IL1RAPL1: variants seen among roughly 807,000 people sequenced by gnomAD.
The protein encoded by IL1RAPL1 is interleukin 1 receptor accessory protein like 1.
Under a neutral mutation model 48.4 loss-of-function variants are expected in IL1RAPL1, and 3 were observed. That is an observed-to-expected ratio of 0.06 (90% CI 0.03 to 0.16). IL1RAPL1 has a LOEUF of 0.16. Among genes scored for constraint, IL1RAPL1 ranks in the 10% least tolerant of loss-of-function variants. IL1RAPL1 has a pLI of 1.00. For missense variants in IL1RAPL1, 349 were observed against 530.6 expected, an observed-to-expected ratio of 0.66 and a Z score of 3.36; for synonymous variants, 185 against 187.7, an observed-to-expected ratio of 0.99 and a Z score of 0.12.
intron 5 of IL1RAPL1, among the ~76,000 whole-genome samples, chrX:29,495,229 G>A (rs1935201016): frequency 8.9e-6 from 1 of 111,770 alleles, no homozygotes; most frequent in Non-Finnish European, 1.9e-5. Context: ...AATTCGGTTT[G>A]AAAATACAAC....
intron 2 of IL1RAPL1, among the ~76,000 whole-genome samples, chrX:29,223,652 TTCCTGCCTTAGCC>T (rs1470223072): frequency 9.2e-6 from 1 of 109,032 alleles, no homozygotes; most frequent in Non-Finnish European, 1.9e-5. Context: ...TCAAGAGATT[TTCCTGCCTTAGCC>T]TCCTGAGTAG....
intron 2 of IL1RAPL1, among the ~76,000 whole-genome samples, chrX:29,025,897 A>C (rs1159747951): frequency 9.0e-6 from 1 of 111,518 alleles, no homozygotes; most frequent in African/African-American, 3.3e-5. Flanking sequence ...CATCCCTGAG[A>C]GAGGATCATG....
At chrX:29,935,334 T>C (rs1171710407) in intron 8 of IL1RAPL1, among the ~76,000 whole-genome samples, 1 of 111,501 alleles carries the variant, frequency 9.0e-6, no homozygotes, top group Non-Finnish European at 1.9e-5. Flanking sequence ...CTATTGATAA[T>C]TTTTGCCTGA....
intron 1 of IL1RAPL1, among the ~76,000 whole-genome samples, chrX:28,660,088 T>TGTGC (rs1335891317): frequency 4.6e-5 from 1 of 21,557 alleles, no homozygotes; most frequent in Non-Finnish European, 9.7e-5. Flanking sequence ...GTGAGGATGG[T>TGTGC]GTGTGTGTGT....
chrX:28,919,975 G>A (rs1036376429), intron 2 of IL1RAPL1, among the ~76,000 whole-genome samples: 1 of 111,733 alleles, frequency 8.9e-6, no homozygotes, highest in Non-Finnish European at 1.9e-5. Context: ...CGGACTGGCA[G>A]GCAATAAATT....
At chrX:29,283,948 C>T (rs1297452787) in intron 3 of IL1RAPL1, among the ~76,000 whole-genome samples, 1 of 112,608 alleles carries the variant, frequency 8.9e-6, no homozygotes, top group Non-Finnish European at 1.9e-5. Context: ...AGCATTTAGC[C>T]CCTCATAGAT....
Position 29,661,167 on chromosome X carries a change from T to G in IL1RAPL1, c.704-7263T>G, listed in dbSNP as rs1925836021. Among the ~76,000 whole-genome samples the G allele has an allele frequency of 3.6e-5, 4 of 112,647 alleles. No individual in the cohort carries two copies. The South Asian group carries it at 1.4e-3, about 41-fold the overall frequency. On this transcript the variant is annotated intron_variant, in intron 5 of 10. Coordinates refer to ENST00000378993, the MANE Select transcript of IL1RAPL1 (RefSeq NM_014271.4). ...AATGCTACTAATTTTTGTATGTTGA[T>G]TATTATCCTGCAACTTCACTGAATT...
intron 7 of IL1RAPL1, among the ~76,000 whole-genome samples, 181 bp from the exon 8 acceptor site, chrX:29,919,768 C>G (rs1932831088): frequency 8.9e-6 from 1 of 112,237 alleles, no homozygotes; most frequent in East Asian, 2.8e-4. Flanking sequence ...AGACAAGCTT[C>G]CTCATTACAA....
chrX:29,101,049 AT>A (rs1218921761), intron 2 of IL1RAPL1, among the ~76,000 whole-genome samples: 1 of 112,035 alleles, frequency 8.9e-6, no homozygotes, highest in Non-Finnish European at 1.9e-5. Context: ...ATTTTATCAT[AT>A]AAAAAGAAAT....
chrX:28,702,515 A>C (rs1205949211), intron 1 of IL1RAPL1, among the ~76,000 whole-genome samples: 1 of 112,014 alleles, frequency 8.9e-6, no homozygotes, highest in Non-Finnish European at 1.9e-5. Flanking sequence ...ACTCCAATAC[A>C]TCAAGAAACC....
intron 6 of IL1RAPL1, among the ~76,000 whole-genome samples, chrX:29,906,311 G>A (rs1182949138): frequency 1.0e-5 from 1 of 98,165 alleles, no homozygotes; most frequent in African/African-American, 3.9e-5. Context: ...CTCCAGCCTG[G>A]GTGATAGAGC....
intron 2 of IL1RAPL1, among the ~76,000 whole-genome samples, chrX:29,026,028 G>C (rs1231937067): frequency 9.0e-6 from 1 of 111,545 alleles, no homozygotes; most frequent in Non-Finnish European, 1.9e-5. Context: ...ACCATACTAG[G>C]AAGTCCCTGG....
chrX:29,047,314 T>A (rs1342109660), intron 2 of IL1RAPL1, among the ~76,000 whole-genome samples: 1 of 111,958 alleles, frequency 8.9e-6, no homozygotes, highest in South Asian at 3.7e-4. Flanking sequence ...CAATATGATA[T>A]CATGCAACTG....
At chrX:28,898,900 C>T (rs1023436155) in intron 2 of IL1RAPL1, among the ~76,000 whole-genome samples, 1 of 111,084 alleles carries the variant, frequency 9.0e-6, no homozygotes, top group African/African-American at 3.3e-5. Flanking sequence ...AGAGATCCTA[C>T]CACTTCAGCC....
At chrX:29,591,945 G>T (rs1211668757) in intron 5 of IL1RAPL1, among the ~76,000 whole-genome samples, 1 of 111,958 alleles carries the variant, frequency 8.9e-6, no homozygotes, top group African/African-American at 3.2e-5. Flanking sequence ...GAATCTGGCT[G>T]GGCAGCCTCT....
At chrX:29,596,890 C>T (rs1923566760) in intron 5 of IL1RAPL1, among the ~76,000 whole-genome samples, 1 of 111,552 alleles carries the variant, frequency 9.0e-6, no homozygotes, top group African/African-American at 3.3e-5. Context: ...CTTTTATTAC[C>T]TTAAAGTATG....
At chrX:29,248,401 C>T (rs763907540) in intron 2 of IL1RAPL1, among the ~76,000 whole-genome samples, 1 of 111,002 alleles carries the variant, frequency 9.0e-6, no homozygotes, top group Non-Finnish European at 1.9e-5. Flanking sequence ...ACAGCCTGGG[C>T]GACAGAGCGA....
At chrX:29,219,663 T>C (rs1930938420) in intron 2 of IL1RAPL1, among the ~76,000 whole-genome samples, 1 of 111,401 alleles carries the variant, frequency 9.0e-6, no homozygotes, top group East Asian at 2.8e-4. Context: ...GCTGCTGGGG[T>C]GGTCTTTCTA....
At chrX:29,687,746 A>G (rs1284794394) in intron 6 of IL1RAPL1, among the ~76,000 whole-genome samples, 2 of 112,346 alleles carry the variant, frequency 1.8e-5, no homozygotes, top group Non-Finnish European at 3.8e-5. Context: ...ATATGGAAAC[A>G]TCATGTTGTG....
Sources: gnomAD v4.1 joint callset for allele counts (sites outside exome capture counted in the v4.1 genomes callset) on GRCh38, gnomAD v4.1.1 for gene constraint, MANE v1.5 for transcripts, NCBI Gene and HGNC (gene_info 2026-07-23, HGNC 2026-07-21) for gene names.